MYT1L: variants seen among roughly 807,000 people sequenced by gnomAD.
The protein encoded by MYT1L is myelin transcription factor 1-like protein.
In MYT1L, 12 loss-of-function variants were observed where a neutral mutation model predicts 126.7. The ratio of observed to expected loss-of-function variants is 0.09; its 90% CI spans 0.06 to 0.15. The LOEUF (loss-of-function observed/expected upper bound fraction) is 0.15. Among genes scored for constraint, MYT1L ranks in the 10% least tolerant of loss-of-function variants. The pLI, the probability that MYT1L is intolerant of heterozygous loss-of-function variation, is 1.00. For missense variants in MYT1L, 979 were observed against 1,585.2 expected (o/e 0.62, Z 6.49); for synonymous variants, 541 against 604.2 (o/e 0.90, Z 1.53).
chr2:2,256,912 T>C (rs868705778), intron 2 of MYT1L, among the ~76,000 whole-genome samples: 2 of 152,200 alleles, frequency 1.3e-5, no homozygotes, highest in Non-Finnish European at 2.9e-5. Context: ...ATGCCATTCA[T>C]ATAGCCACAC....
At chr2:1,874,152 C>T (rs2046589727) in intron 18 of MYT1L, among the ~76,000 whole-genome samples, 1 of 151,928 alleles carries the variant, frequency 6.6e-6, no homozygotes, top group Non-Finnish European at 1.5e-5. Context: ...TCTCCTTTCC[C>T]TCCACAAACA....
intron 3 of MYT1L, among the ~76,000 whole-genome samples, chr2:2,105,977 T>C (rs1367137944): frequency 6.6e-6 from 1 of 152,158 alleles, no homozygotes; most frequent in Non-Finnish European, 1.5e-5. Context: ...GGACTGTGCA[T>C]TTCTTTAAAG....
At chr2:2,299,390 G>A (rs572558003) in intron 1 of MYT1L, among the ~76,000 whole-genome samples, 5 of 152,334 alleles carry the variant, frequency 3.3e-5, no homozygotes, top group African/African-American at 4.8e-5. Flanking sequence ...GGATGCCTGC[G>A]GGCTGGCAAG....
chr2:2,059,952 G>A lies in MYT1L; in HGVS notation c.-303-5829C>T, dbSNP rs1291720432. Among the ~76,000 whole-genome samples, 2 of 152,126 alleles carry A rather than the reference G, an allele frequency of 1.3e-5. No individual in the cohort carries two copies. The highest frequency in any genetic ancestry group is 2.9e-5 in the Non-Finnish European group (2 of 68,032). The stretch of plus-strand genomic sequence containing the variant: ...CTAAGCGGCACCCCAACCCCACCAC[G>A]AGCTCGTCAGGGCAGGGGACAGAGC... On this transcript the variant is annotated intron_variant, in intron 3 of 24. Coordinates refer to ENST00000647738, the MANE Select transcript of MYT1L (RefSeq NM_001303052.2). This position sits in a 1 kb window ranked among gnomAD's most constrained non-coding sequence, Gnocchi z 4.7.
intron 2 of MYT1L, among the ~76,000 whole-genome samples, chr2:2,267,534 G>GA (rs1304354752): frequency 4.6e-5 from 7 of 152,038 alleles, no homozygotes; most frequent in South Asian, 4.2e-4. Flanking sequence ...GGAATGGACA[G>GA]AAAAAAAATG....
At chr2:1,916,865 T>C (rs938788498) in intron 11 of MYT1L, among the ~76,000 whole-genome samples, 5 of 152,174 alleles carry the variant, frequency 3.3e-5, no homozygotes, top group African/African-American at 1.2e-4. Context: ...AGGGACGTCT[T>C]AGAGGCCATC....
At chr2:2,128,843 C>A (rs2082024188) in intron 3 of MYT1L, among the ~76,000 whole-genome samples, 1 of 152,144 alleles carries the variant, frequency 6.6e-6, no homozygotes, top group Admixed American at 6.5e-5. Context: ...TCCCTTCTAG[C>A]CAACATTATT....
At chr2:2,070,238 A>G (rs1282058451) in intron 3 of MYT1L, among the ~76,000 whole-genome samples, 1 of 152,086 alleles carries the variant, frequency 6.6e-6, no homozygotes, top group Non-Finnish European at 1.5e-5. Context: ...CTTTTTTTGC[A>G]AAAGGAAAGT....
chr2:1,998,381 G>A (rs899886030), intron 4 of MYT1L, among the ~76,000 whole-genome samples: 4 of 152,306 alleles, frequency 2.6e-5, no homozygotes, highest in African/African-American at 4.8e-5. Flanking sequence ...AAACCAGAGC[G>A]TAGAGTTAAA....
At chr2:1,868,146 A>G (rs763263489) in intron 18 of MYT1L, among the ~76,000 whole-genome samples, 4 of 152,010 alleles carry the variant, frequency 2.6e-5, no homozygotes, top group Non-Finnish European at 4.4e-5. Context: ...CATTTTTAGT[A>G]AAGATGGGGT....
intron 8 of MYT1L, among the ~76,000 whole-genome samples, chr2:1,954,176 G>C (rs561209507): frequency 6.6e-6 from 1 of 152,116 alleles, no homozygotes; most frequent in South Asian, 2.1e-4. Context: ...AGAGCTAGAC[G>C]TTCCACCCTC....
chr2:1,796,417 G>A (rs2033514091), intron 23 of MYT1L, among the ~76,000 whole-genome samples: 1 of 152,198 alleles, frequency 6.6e-6, no homozygotes, highest in Admixed American at 6.5e-5. Flanking sequence ...GACCAGGGAG[G>A]CTGGATCACA....
chr2:2,280,983 A>G (rs1227550847), intron 2 of MYT1L, among the ~76,000 whole-genome samples: 1 of 152,182 alleles, frequency 6.6e-6, no homozygotes, highest in Non-Finnish European at 1.5e-5. Flanking sequence ...GTTTTATACC[A>G]AATGTACACA....
intron 18 of MYT1L, among the ~76,000 whole-genome samples, chr2:1,873,292 CTA>C (rs1248041782): frequency 1.3e-5 from 2 of 152,114 alleles, no homozygotes; most frequent in Non-Finnish European, 1.5e-5. Context: ...AAATGTTAAA[CTA>C]TTTTTATTTT....
intron 1 of MYT1L, among the ~76,000 whole-genome samples, chr2:2,312,653 G>C (rs765299581): frequency 6.6e-6 from 1 of 152,112 alleles, no homozygotes; most frequent in African/African-American, 2.4e-5. Flanking sequence ...TTCATCACTA[G>C]TAGCTTTTTT....
intron 2 of MYT1L, among the ~76,000 whole-genome samples, chr2:2,235,313 G>T (rs61010775): frequency 6.8e-6 from 1 of 147,782 alleles, no homozygotes; most frequent in African/African-American, 2.5e-5. Flanking sequence ...GTGTAGAGGT[G>T]TGTGTGTAGC....
chr2:2,310,807 T>A (rs1259411628), intron 1 of MYT1L, among the ~76,000 whole-genome samples: 1 of 152,178 alleles, frequency 6.6e-6, no homozygotes, highest in Non-Finnish European at 1.5e-5. Flanking sequence ...CACGGGCGGT[T>A]GTGACTCACT....
intron 4 of MYT1L, among the ~76,000 whole-genome samples, chr2:1,999,030 A>G (rs1027954184): frequency 1.3e-5 from 2 of 152,254 alleles, no homozygotes; most frequent in Non-Finnish European, 2.9e-5. Context: ...GCGATTAGAC[A>G]GAATGGGTTA....
rs2083766018 is a variant in MYT1L at position 2,140,372 on chromosome 2, A to T, written c.-304+32500T>A. Among the ~76,000 whole-genome samples, 3 of 151,792 alleles carry T rather than the reference A, an allele frequency of 2.0e-5. No homozygotes were observed. In the South Asian group the frequency reaches 6.3e-4, roughly 32 times the overall value. ...TAACAGTGCACTTATTCTGTTTTGT[A>T]GAAATTTGCTCTTTTTGCAAGATAA... is the stretch of plus-strand genomic sequence containing the variant. On this transcript the variant is annotated intron_variant, in intron 3 of 24. Transcript: ENST00000647738.
Sources: gnomAD v4.1 joint callset for allele counts (sites outside exome capture counted in the v4.1 genomes callset) on GRCh38, gnomAD v4.1.1 for gene constraint, Gnocchi (gnomAD v3.1) non-coding constraint, MANE v1.5 for transcripts, NCBI Gene and HGNC (gene_info 2026-07-23, HGNC 2026-07-21) for gene names.